CCDC86: variants seen among roughly 807,000 people sequenced by gnomAD.
The protein encoded by CCDC86 is coiled-coil domain containing 86, also known as coiled-coil domain-containing protein 86.
CCDC86 carries 28 observed loss-of-function variants against 36.7 expected under a neutral mutation model. That is an observed-to-expected ratio of 0.76 (90% confidence interval 0.57 to 1.05). The LOEUF (loss-of-function observed/expected upper bound fraction) is 1.05, where lower values mean the gene tolerates loss of function less well. Among genes scored for constraint, CCDC86 ranks in the 50% least tolerant of loss-of-function variants. The pLI, the probability that CCDC86 is intolerant of heterozygous loss-of-function variation, is 0.00. For missense variants in CCDC86, 453 were observed against 470.2 expected, an observed-to-expected ratio of 0.96 and a Z score of 0.34; for synonymous variants, 199 against 203.4, an observed-to-expected ratio of 0.98 and a Z score of 0.18.
At chr11:60,847,825 C>T in intron 1 of CCDC86, 99 bp from the exon 2 acceptor site, 5 of 1,426,856 alleles carry the variant, frequency 3.5e-6, no homozygotes, top group African/African-American at 1.4e-5. Context: ...TCTGCCTGGG[C>T]TCTGGGGAAG....
intron 1 of CCDC86, among the ~76,000 whole-genome samples, chr11:60,845,835 C>T (rs1855177159): frequency 6.6e-6 from 1 of 152,226 alleles, no homozygotes; most frequent in Non-Finnish European, 1.5e-5. Context: ...TACCTTGCTC[C>T]AGGTCACCCA....
chr11:60,848,192 AG>A, intron 2 of CCDC86, 139 bp downstream of exon 2: 1 of 1,081,006 alleles, frequency 9.3e-7, no homozygotes, highest in Non-Finnish European at 1.3e-6. Context: ...TGAAGGCCGG[AG>A]GGAGGAAGGG....
rs143069759 is a variant in CCDC86 at position 60,846,197 on chromosome 11, G to A, written c.759-1727G>A. Among the ~76,000 whole-genome samples the A allele has an allele frequency of 4.0e-3, 615 of 152,072 alleles. 3 individuals are homozygous for A. Among genetic ancestry groups the A allele is most frequent in the African/African-American group, 0.013 (557 of 41,468 alleles). ...AACACCTTGTCCCTTCAGGGTTCTC[G>A]TACCCCAGCTTGGGAAGCCCAGCTT... On this transcript the variant is annotated intron_variant, in intron 1 of 3. Coordinates refer to ENST00000227520, the MANE Select transcript of CCDC86 (RefSeq NM_024098.4).
chr11:60,842,452 A>G lies in CCDC86; in HGVS notation c.328A>G (p.Ser110Gly). The change falls in exon 1 of 4, where the codon AGT becomes GGT. Residue 110 changes from serine (S) to glycine (G), a missense_variant. Coordinates refer to ENST00000227520, the MANE Select transcript of CCDC86 (RefSeq NM_024098.4). ...GTCGCCTCAAAGACAGCCAGAGTAC[A>G]GTCCTGAATCCCCACGATGTCAGCC... ...LESPQRQPEY[S>G]PESPRCQPKP... The G allele has an allele frequency of 6.2e-7, 1 of 1,614,048 alleles. No homozygotes were observed. Among genetic ancestry groups the G allele is most frequent in the Non-Finnish European group, 8.5e-7 (1 of 1,180,024 alleles).
intron 1 of CCDC86, among the ~76,000 whole-genome samples, chr11:60,843,243 C>G (rs973807064): frequency 2.6e-5 from 4 of 152,228 alleles, no homozygotes; most frequent in African/African-American, 9.6e-5. Flanking sequence ...GCAGTGAGGT[C>G]TTCATCCAAT....
chr11:60,846,267 T>C (rs1397486279), intron 1 of CCDC86, among the ~76,000 whole-genome samples: 2 of 151,936 alleles, frequency 1.3e-5, no homozygotes, highest in Non-Finnish European at 2.9e-5. Flanking sequence ...TCTTAGTGCT[T>C]AGGAGGCCAG....
intron 1 of CCDC86, 178 bp from the exon 2 acceptor site, chr11:60,847,746 C>G: frequency 1.4e-6 from 1 of 694,274 alleles, no homozygotes; most frequent in South Asian, 1.9e-5. Context: ...CCAGCACGAT[C>G]AGGGTTCCCT....
At chr11:60,849,541 G>A (rs1284463871) in intron 2 of CCDC86, among the ~76,000 whole-genome samples, 1 of 152,194 alleles carries the variant, frequency 6.6e-6, no homozygotes, top group African/African-American at 2.4e-5. Flanking sequence ...CAGGACTCCA[G>A]GGGAAGAGGG....
At chr11:60,845,848 T>C (rs550643910) in intron 1 of CCDC86, among the ~76,000 whole-genome samples, 1 of 152,350 alleles carries the variant, frequency 6.6e-6, no homozygotes, top group South Asian at 2.1e-4. Flanking sequence ...GTCACCCAGG[T>C]TGGACTTGGA....
intron 1 of CCDC86, among the ~76,000 whole-genome samples, chr11:60,845,982 TTTAAG>T (rs1333627989): frequency 6.6e-6 from 1 of 152,192 alleles, no homozygotes; most frequent in African/African-American, 2.4e-5. Flanking sequence ...TTAAATAAAA[TTTAAG>T]ATTCAGTTTC....
chr11:60,843,864 A>G (rs902209412), intron 1 of CCDC86, among the ~76,000 whole-genome samples: 1 of 152,120 alleles, frequency 6.6e-6, no homozygotes, highest in African/African-American at 2.4e-5. Flanking sequence ...GTATCCTTAA[A>G]ACCCTAGGCT....
At chr11:60,848,677 C>T (rs1331066982) in intron 2 of CCDC86, among the ~76,000 whole-genome samples, 1 of 151,978 alleles carries the variant, frequency 6.6e-6, no homozygotes, top group Non-Finnish European at 1.5e-5. Context: ...TCAGCTCCTG[C>T]CCCCCAGGGC....
rs577306291 is a variant in CCDC86, at chr11:60,850,217, C to T, written c.975C>T (p.Pro325=). 34 of 1,614,206 alleles carry T rather than the reference C, an allele frequency of 2.1e-5. No individual in the cohort carries two copies. The highest frequency in any genetic ancestry group is 1.3e-4 in the South Asian group (12 of 91,088). Reference sequence around the variant, plus strand: ...CATACCACCCCCAGATCCGAAACCCCGCCAAGCTCAAGCGGGCAAAGAAGA... The same window carrying T: ...CATACCACCCCCAGATCCGAAACCCTGCCAAGCTCAAGCGGGCAAAGAAGA... ...KAEVVQVIRN[P]AKLKRAKKKQ... Residue 325 remains proline (P), a synonymous_variant, in exon 4 of 4, where the codon CCC becomes CCT. Transcript: ENST00000227520.
At position 60,842,164 on chromosome 11, in the gene CCDC86, C is replaced by G; in HGVS notation, c.40C>G (p.Leu14Val). ...AAGGCGCAGCCGACGGCTGGGAGGC[C>G]TAAGGCCCGAATCCCCCGAGAGCCT... ...PLRRSRRLGG[L>V]RPESPESLTS... Residue 14 changes from leucine to valine, a missense_variant, in exon 1 of 4, where the codon CTA (leucine) becomes GTA (valine). Transcript: ENST00000227520. 6.2e-7 allele frequency: 1 copy of G among 1,607,654 alleles called. No homozygotes were observed. The highest frequency in any genetic ancestry group is 1.3e-5 in the African/African-American group (1 of 74,614).
In CCDC86 at chr11:60,850,378, C is replaced by A; in HGVS notation, c.*53C>A. ...GCCAACAACCATGTCAGACACAGCA[C>A]CTCAGGCCGCTGCTCAGATGCCTCT... On this transcript the variant is annotated 3_prime_UTR_variant, in exon 4 of 4. Coordinates refer to ENST00000227520, the MANE Select transcript of CCDC86 (RefSeq NM_024098.4). 6.3e-7 allele frequency: 1 copy of A among 1,595,466 alleles called. No homozygotes were observed. Among genetic ancestry groups the A allele is most frequent in the South Asian group, 1.1e-5 (1 of 89,964 alleles).
chr11:60,842,140 A>G lies in CCDC86; in HGVS notation c.16A>G (p.Arg6Gly). 6.3e-7 allele frequency: 1 copy of G among 1,592,244 alleles called. No individual in the cohort carries two copies. The highest frequency in any genetic ancestry group is 8.5e-7 in the Non-Finnish European group (1 of 1,170,352). MDTPLRRSRRLGGLRP... is the reference protein window; with the variant it reads MDTPLGRSRRLGGLRP... ...CGGCTGAGCCATGGATACACCGTTAAGGCGCAGCCGACGGCTGGGAGGCCT... is the reference window on the plus strand; with the variant it reads ...CGGCTGAGCCATGGATACACCGTTAGGGCGCAGCCGACGGCTGGGAGGCCT... The change falls in exon 1 of 4, where the codon AGG (arginine) becomes GGG (glycine). Residue 6 changes from arginine (R) to glycine (G), a missense_variant. By Grantham distance (125) the Arg-to-Gly change is moderately radical (BLOSUM62 -2). Coordinates refer to ENST00000227520, the MANE Select transcript of CCDC86 (RefSeq NM_024098.4).
chr11:60,849,020 C>T (rs1322580361), intron 2 of CCDC86, among the ~76,000 whole-genome samples: 2 of 151,720 alleles, frequency 1.3e-5, no homozygotes, highest in South Asian at 2.1e-4. Flanking sequence ...GCCCCCAGCC[C>T]GGGCCTGCCC....
chr11:60,844,363 A>G (rs1855158423), intron 1 of CCDC86, among the ~76,000 whole-genome samples: 1 of 152,180 alleles, frequency 6.6e-6, no homozygotes, highest in South Asian at 2.1e-4. Context: ...CACTCAGAGC[A>G]TGCACTCCAG....
chr11:60,849,316 G>T (rs969663415), intron 2 of CCDC86, among the ~76,000 whole-genome samples: 1 of 152,210 alleles, frequency 6.6e-6, no homozygotes, highest in Admixed American at 6.5e-5. Flanking sequence ...ACTATCTTAC[G>T]AGGTAGATAC....
Sources: allele counts gnomAD v4.1 joint callset (sites outside exome capture counted in the v4.1 genomes callset), GRCh38; gene constraint gnomAD v4.1.1; transcripts MANE v1.5; gene names NCBI Gene and HGNC (gene_info 2026-07-23, HGNC 2026-07-21).